Variants in MGAT4A observed in about 807,000 individuals in gnomAD.
MGAT4A encodes N-acetylglucosaminyltransferase IVa.
A neutral mutation model predicts 74.1 loss-of-function variants in MGAT4A; 33 were observed. The observed-to-expected ratio is 0.45, with a 90% CI of 0.34 to 0.60. The LOEUF is 0.60. Among genes scored for constraint, MGAT4A ranks in the 20% least tolerant of loss-of-function variants. The pLI, the probability that MGAT4A is intolerant of heterozygous loss-of-function variation, is 0.02. For missense variants in MGAT4A, 479 were observed against 628.3 expected (o/e 0.76, Z 2.54); for synonymous variants, 198 against 210.4 (o/e 0.94, Z 0.51).
chr2:98,706,503 T>C (rs1427120643), intron 2 of MGAT4A, among the ~76,000 whole-genome samples: 1 of 152,066 alleles, frequency 6.6e-6, no homozygotes, highest in African/African-American at 2.4e-5. Flanking sequence ...CTAATTTTTG[T>C]ATTTTTAGTA....
chr2:98,729,362 C>T (rs1702810873), intron 1 of MGAT4A, among the ~76,000 whole-genome samples: 1 of 152,172 alleles, frequency 6.6e-6, no homozygotes, highest in Non-Finnish European at 1.5e-5. Context: ...AGAAACTCTT[C>T]GGACAAGAGT....
In MGAT4A at chr2:98,688,465, C is replaced by T. The variant is rs140625116; in HGVS notation, c.95-9994G>A. Among the ~76,000 whole-genome samples the T allele has an allele frequency of 1.9e-3, 294 of 152,228 alleles. 2 individuals are homozygous for T. The highest frequency in any genetic ancestry group is 6.6e-3 in the African/African-American group (276 of 41,526). ...AACAGAATATGGCAAAGGTGATAGG[C>T]GTCATTTCCAGGATTATGTTATATT... On this transcript the variant is annotated intron_variant, in intron 2 of 15. Coordinates refer to ENST00000393487, the MANE Select transcript of MGAT4A (RefSeq NM_012214.3).
chr2:98,676,041 G>C (rs1327181408), intron 3 of MGAT4A, among the ~76,000 whole-genome samples: 1 of 151,724 alleles, frequency 6.6e-6, no homozygotes, highest in Admixed American at 6.6e-5. Context: ...TTTTATTAGA[G>C]GAACCAATGA....
intron 2 of MGAT4A, among the ~76,000 whole-genome samples, chr2:98,690,877 G>C (rs1702185609): frequency 6.6e-6 from 1 of 152,172 alleles, no homozygotes; most frequent in African/African-American, 2.4e-5. Flanking sequence ...GTGAGCTCAA[G>C]AGCAGATGGA....
rs899132236 is a variant in MGAT4A at position 98,623,571 on chromosome 2, T to C, written c.*1995A>G. The stretch of plus-strand genomic sequence containing the variant: ...CTCATGGGCACTGGGCCAAGGAAAT[T>C]TGAGAAGAAAAAAATTCAAGAAAGT... On this transcript the variant is annotated 3_prime_UTR_variant, in exon 16 of 16. Coordinates refer to ENST00000393487, the MANE Select transcript of MGAT4A (RefSeq NM_012214.3). 1.0e-6 allele frequency: 1 copy of C among 985,220 alleles called. No individual in the cohort carries two copies. The highest frequency in any genetic ancestry group is 1.7e-5 in the African/African-American group (1 of 57,206). The allele number at this position is 985,220 out of a possible 1,614,324, so 61.0% of individuals were successfully genotyped here. A position where few individuals can be genotyped will look rare whatever the true frequency, so the allele number is the denominator to read the frequency against.
chr2:98,712,633 C>T (rs1702533488), intron 2 of MGAT4A, among the ~76,000 whole-genome samples: 1 of 152,166 alleles, frequency 6.6e-6, no homozygotes, highest in African/African-American at 2.4e-5. Context: ...GCTCTGAATG[C>T]AATAAATATC....
chr2:98,664,800 T>C (rs1445393766), intron 4 of MGAT4A, among the ~76,000 whole-genome samples: 1 of 152,240 alleles, frequency 6.6e-6, no homozygotes, highest in East Asian at 1.9e-4. Context: ...TTGAGTGTTG[T>C]GATCCTAACC....
chr2:98,722,890 C>T (rs1289071296), intron 2 of MGAT4A, among the ~76,000 whole-genome samples: 2 of 152,104 alleles, frequency 1.3e-5, no homozygotes, highest in East Asian at 1.9e-4. Context: ...GTCTAGATTG[C>T]GCCTGACCAC....
intron 10 of MGAT4A, among the ~76,000 whole-genome samples, chr2:98,640,764 TAAGGG>T (rs1218189601): frequency 2.6e-5 from 4 of 152,302 alleles, no homozygotes; most frequent in African/African-American, 9.6e-5. Context: ...TAAGCATAGT[TAAGGG>T]AAGAGTGAAG....
rs766528946 is a variant in MGAT4A at position 98,655,409 on chromosome 2, T to C, written c.774+36A>G. 4.7e-6 allele frequency: 7 copies of C among 1,487,686 alleles called. No individual in the cohort carries two copies. In the East Asian group the frequency reaches 9.1e-5, roughly 19 times the overall value. The allele number at this position is 1,487,686 out of a possible 1,614,324, so 92.2% of individuals were successfully genotyped here. On this transcript the variant is annotated intron_variant, in intron 8 of 15. Coordinates refer to ENST00000393487, the MANE Select transcript of MGAT4A (RefSeq NM_012214.3). ...CATACCCTTGATAACACTTTTTCTTTACAAGCATGAAAAACAAAGGAAAAA... is the reference window on the plus strand; with the variant it reads ...CATACCCTTGATAACACTTTTTCTTCACAAGCATGAAAAACAAAGGAAAAA...
At chr2:98,632,205 A>G (rs1289690414) in intron 14 of MGAT4A, among the ~76,000 whole-genome samples, 1 of 152,172 alleles carries the variant, frequency 6.6e-6, no homozygotes, top group Non-Finnish European at 1.5e-5. Flanking sequence ...CTAAAAGAGC[A>G]CCCTGTAACA....
intron 2 of MGAT4A, among the ~76,000 whole-genome samples, chr2:98,689,604 C>G (rs545299247): frequency 6.6e-6 from 1 of 152,292 alleles, no homozygotes; most frequent in East Asian, 1.9e-4. Flanking sequence ...GGGTGGATCA[C>G]TTGAGCTCAG....
rs768038932 is a variant in MGAT4A at position 98,663,097 on chromosome 2, G to T, written c.486C>A (p.Asn162Lys). Reference sequence around the variant, plus strand: ...AGTCCAACTTCTCTTCAGGATACAGGTTATCAATAAGGGAATGAAGAGTTT... The same window carrying T: ...AGTCCAACTTCTCTTCAGGATACAGTTTATCAATAAGGGAATGAAGAGTTT... ...LIETLHSLID[N>K]LYPEEKLDCV... Residue 162 changes from asparagine to lysine, a missense_variant, in exon 5 of 16, where the codon AAC becomes AAA. By Grantham distance (94) the Asn-to-Lys change is moderately conservative. This residue lies in a region of MGAT4A where 205 missense variants were observed against 232.7 expected (regional missense o/e 0.88). Coordinates refer to ENST00000393487, the MANE Select transcript of MGAT4A (RefSeq NM_012214.3). The T allele has an allele frequency of 6.2e-7, 1 of 1,600,734 alleles. No individual in the cohort carries two copies. The highest frequency in any genetic ancestry group is 8.5e-7 in the Non-Finnish European group (1 of 1,170,730).
At chr2:98,647,951 G>C (rs1701519288) in intron 8 of MGAT4A, among the ~76,000 whole-genome samples, 1 of 152,162 alleles carries the variant, frequency 6.6e-6, no homozygotes, top group Non-Finnish European at 1.5e-5. Context: ...ATGACGTCTG[G>C]AATAAATTCC....
At position 98,625,343 on chromosome 2, in the gene MGAT4A, A is replaced by C; in HGVS notation, c.*223T>G. On this transcript the variant is annotated 3_prime_UTR_variant, in exon 16 of 16. Coordinates refer to ENST00000393487, the MANE Select transcript of MGAT4A (RefSeq NM_012214.3). ...GTACAAGTCATATTAACAGGCTGTC[A>C]TAATTGAAAAATGTTTGAGTCAAGT... 1 of 1,328,860 alleles carries C rather than the reference A, an allele frequency of 7.5e-7. No individual in the cohort carries two copies. The highest frequency in any genetic ancestry group is 9.7e-7 in the Non-Finnish European group (1 of 1,029,984). 82.3% of individuals were successfully genotyped at this position (1,328,860 alleles called of 1,614,324 possible). A position where few individuals can be genotyped will look rare whatever the true frequency, so the allele number is the denominator to read the frequency against.
intron 6 of MGAT4A, among the ~76,000 whole-genome samples, chr2:98,657,768 T>C (rs889023671): frequency 1.3e-5 from 2 of 152,184 alleles, no homozygotes; most frequent in Admixed American, 6.6e-5. Context: ...TTACCTACCA[T>C]GTGCCTCGCT....
chr2:98,632,615 AG>A (rs1701257630), intron 14 of MGAT4A, among the ~76,000 whole-genome samples: 1 of 152,224 alleles, frequency 6.6e-6, no homozygotes, highest in South Asian at 2.1e-4. Flanking sequence ...AGAACTACAG[AG>A]CTCTCTGTTC....
At chr2:98,668,306 G>A (rs1445687647) in intron 4 of MGAT4A, among the ~76,000 whole-genome samples, 1 of 152,204 alleles carries the variant, frequency 6.6e-6, no homozygotes, top group Non-Finnish European at 1.5e-5. Context: ...TAGGGACTTG[G>A]TGACCTGTGT....
intron 5 of MGAT4A, among the ~76,000 whole-genome samples, chr2:98,662,139 G>T (rs527836390): frequency 1.3e-5 from 2 of 152,298 alleles, no homozygotes; most frequent in South Asian, 4.1e-4. Context: ...AATAAAGTCT[G>T]TAGTTTGGTT....
Sources: gnomAD v4.1 joint callset for allele counts (sites outside exome capture counted in the v4.1 genomes callset) on GRCh38, gnomAD v4.1.1 for gene constraint, gnomAD v4.1.1 regional missense constraint, MANE v1.5 for transcripts, NCBI Gene and HGNC (gene_info 2026-07-23, HGNC 2026-07-21) for gene names.